The following FBXL7 variants were observed in gnomAD, a reference collection of about 807,000 sequenced individuals.
The protein encoded by FBXL7 is F-box and leucine rich repeat protein 7, also known as F-box/LRR-repeat protein 7.
FBXL7 carries 12 observed loss-of-function variants against 38.3 expected under a neutral mutation model. That is an observed-to-expected ratio of 0.31 (90% confidence interval 0.20 to 0.51). The LOEUF is 0.51. FBXL7 is among the 20% of genes least tolerant of loss of function. The pLI is 0.98. For missense variants in FBXL7, 567 were observed against 676.4 expected, an observed-to-expected ratio of 0.84 and a Z score of 1.79; for synonymous variants, 297 against 300.9, an observed-to-expected ratio of 0.99 and a Z score of 0.13.
At chr5:15,694,396 A>AT (rs1342910316) in intron 2 of FBXL7, among the ~76,000 whole-genome samples, 1 of 152,216 alleles carries the variant, frequency 6.6e-6, no homozygotes. Flanking sequence ...AAAAGGTCAA[A>AT]TTCCTGGGCT....
chr5:15,913,918 C>T (rs915699606), intron 2 of FBXL7, among the ~76,000 whole-genome samples: 15 of 152,126 alleles, frequency 9.9e-5, no homozygotes, highest in Admixed American at 8.5e-4. Context: ...ACAGTTGATG[C>T]GTGACTTAGT....
chr5:15,892,845 C>T (rs550423034), intron 2 of FBXL7, among the ~76,000 whole-genome samples: 43 of 152,222 alleles, frequency 2.8e-4, no homozygotes, highest in African/African-American at 8.4e-4. Flanking sequence ...AGGCCGGGCG[C>T]GGTGGCTCAC....
At chr5:15,913,761 A>T (rs1466019038) in intron 2 of FBXL7, among the ~76,000 whole-genome samples, 1 of 152,208 alleles carries the variant, frequency 6.6e-6, no homozygotes, top group Non-Finnish European at 1.5e-5. Flanking sequence ...TTTGCATGAA[A>T]ATACATGTGT....
chr5:15,768,543 GAAAAA>G lies in FBXL7; in HGVS notation c.127+152475_127+152479del, dbSNP rs778296921. ...GAGACTCTGTCTCAAAAAAAAAAAA[GAAAAA>G]AAAGAGTAACACTGCCACTGATATA... On this transcript the variant is annotated intron_variant, in intron 2 of 3. Transcript: ENST00000504595. Among the ~76,000 whole-genome samples the G allele has an allele frequency of 2.1e-5, 3 of 143,722 alleles. No individual in the cohort carries two copies. In the South Asian group the frequency reaches 6.7e-4, roughly 32 times the overall value. 94.3% of individuals were successfully genotyped at this position (143,722 alleles called of 152,430 possible).
At chr5:15,728,322 T>G (rs1157532750) in intron 2 of FBXL7, among the ~76,000 whole-genome samples, 1 of 152,156 alleles carries the variant, frequency 6.6e-6, no homozygotes, top group African/African-American at 2.4e-5. Flanking sequence ...CTGAATCTAA[T>G]AATACCTTTG....
intron 2 of FBXL7, among the ~76,000 whole-genome samples, chr5:15,827,096 C>T (rs1337874917): frequency 1.3e-5 from 2 of 148,608 alleles, no homozygotes; most frequent in Non-Finnish European, 2.9e-5. Context: ...CCATCATTTC[C>T]TCCACAAAGA....
chr5:15,598,174 C>T (rs1331306674), intron 1 of FBXL7, among the ~76,000 whole-genome samples: 1 of 152,152 alleles, frequency 6.6e-6, no homozygotes, highest in Non-Finnish European at 1.5e-5. Context: ...AGGAAAGAGA[C>T]CTACCAGGTC....
chr5:15,884,176 GAGA>G (rs1344179394), intron 2 of FBXL7, among the ~76,000 whole-genome samples: 1 of 152,366 alleles, frequency 6.6e-6, no homozygotes, highest in Non-Finnish European at 1.5e-5. Context: ...GCCACTGGGA[GAGA>G]AGGAGAGAAA....
chr5:15,560,169 T>C (rs1041858381), intron 1 of FBXL7, among the ~76,000 whole-genome samples: 3 of 152,178 alleles, frequency 2.0e-5, no homozygotes, highest in Non-Finnish European at 2.9e-5. Context: ...GATTGATCCA[T>C]ACAGTTATAG....
intron 2 of FBXL7, among the ~76,000 whole-genome samples, chr5:15,904,228 C>T (rs1322193684): frequency 1.3e-5 from 2 of 152,108 alleles, no homozygotes; most frequent in African/African-American, 4.8e-5. Context: ...AGATTTGTTC[C>T]TACTCGGTTA....
At chr5:15,857,952 A>G (rs1474920979) in intron 2 of FBXL7, among the ~76,000 whole-genome samples, 3 of 152,166 alleles carry the variant, frequency 2.0e-5, no homozygotes, top group Admixed American at 6.6e-5. Flanking sequence ...ACCGATAGAT[A>G]TAAGTTGAGG....
chr5:15,922,591 C>G (rs995739123), intron 2 of FBXL7, among the ~76,000 whole-genome samples: 5 of 152,152 alleles, frequency 3.3e-5, no homozygotes, highest in African/African-American at 1.2e-4. Context: ...ACACGCAAAG[C>G]AGACAGCAAT....
rs539680589 is a variant in FBXL7 at position 15,719,965 on chromosome 5, C to A, written c.127+103893C>A. Among the ~76,000 whole-genome samples the A allele has an allele frequency of 3.9e-4, 58 of 148,850 alleles. 9 individuals are homozygous for A. In the South Asian group the frequency reaches 0.012, roughly 31 times the overall value. On this transcript the variant is annotated intron_variant, in intron 2 of 3. Transcript: ENST00000504595. ...AGAGACTTGCCAGGAGAGAAGTCTG[C>A]GTATTCCCTATCAGTAGCTACTGCA...
intron 2 of FBXL7, among the ~76,000 whole-genome samples, chr5:15,860,664 C>T (rs1739436782): frequency 6.6e-6 from 1 of 152,148 alleles, no homozygotes; most frequent in South Asian, 2.1e-4. Flanking sequence ...CTTAACCTGG[C>T]TTTTTAGTTC....
At chr5:15,814,371 G>A (rs1410099482) in intron 2 of FBXL7, among the ~76,000 whole-genome samples, 5 of 151,992 alleles carry the variant, frequency 3.3e-5, no homozygotes, top group Non-Finnish European at 5.9e-5. Context: ...AGTAGGAGTC[G>A]AACAATGAGA....
At position 15,643,810 on chromosome 5, in the gene FBXL7, C is replaced by G. The variant is rs369547760; in HGVS notation, c.127+27738C>G. ...GCATCTCTTGCTAGAAGACCTTGAT[C>G]ATCTGTCTCTTGGCTGTAGAGGTGG... On this transcript the variant is annotated intron_variant, in intron 2 of 3. Transcript: ENST00000504595. 3.6e-4 allele frequency among the ~76,000 whole-genome samples: 55 copies of G among 152,286 alleles called. 2 individuals carry two copies. The South Asian group carries it at 0.011, about 32-fold the overall frequency.
At chr5:15,771,536 A>G (rs1440807471) in intron 2 of FBXL7, among the ~76,000 whole-genome samples, 1 of 152,150 alleles carries the variant, frequency 6.6e-6, no homozygotes, top group African/African-American at 2.4e-5. Context: ...AAGCTTGGGA[A>G]AGGGAGAGAT....
intron 2 of FBXL7, among the ~76,000 whole-genome samples, chr5:15,715,301 G>C (rs910598537): frequency 6.6e-6 from 1 of 151,914 alleles, no homozygotes; most frequent in African/African-American, 2.4e-5. Flanking sequence ...GACCATTCTG[G>C]CCAACATGGT....
chr5:15,550,387 G>C (rs896475713), intron 1 of FBXL7, among the ~76,000 whole-genome samples: 4 of 152,158 alleles, frequency 2.6e-5, no homozygotes, highest in Non-Finnish European at 5.9e-5. Context: ...TGGTGTGATG[G>C]GTGACAAGGA....
Sources: gnomAD v4.1 joint callset for allele counts (sites outside exome capture counted in the v4.1 genomes callset) on GRCh38, gnomAD v4.1.1 for gene constraint, MANE v1.5 for transcripts, NCBI Gene and HGNC (gene_info 2026-07-23, HGNC 2026-07-21) for gene names.